CACNA1C: variants seen among roughly 807,000 people sequenced by gnomAD.
The protein encoded by CACNA1C is voltage-dependent L-type calcium channel subunit alpha-1C.
In CACNA1C, 30 loss-of-function variants were observed where a neutral mutation model predicts 229.0. The ratio of observed to expected loss-of-function variants is 0.13; its 90% confidence interval spans 0.10 to 0.18. The LOEUF (loss-of-function observed/expected upper bound fraction) is 0.18, where lower values mean the gene tolerates loss of function less well. Ranked by LOEUF, CACNA1C falls within the 10% of genes least tolerant of loss-of-function variation. CACNA1C has a pLI of 1.00. For synonymous variants in CACNA1C, 1,114 were observed against 1,132.5 expected, an observed-to-expected ratio of 0.98 and a Z score of 0.33; for missense variants, 1,658 against 2,845.0, an observed-to-expected ratio of 0.58 and a Z score of 9.49.
At chr12:2,624,415 G>C (rs1389060673) in intron 29 of CACNA1C, among the ~76,000 whole-genome samples, 1 of 152,192 alleles carries the variant, frequency 6.6e-6, no homozygotes, top group Non-Finnish European at 1.5e-5. Flanking sequence ...GATAGTGGGG[G>C]AGTCTTCAGT....
At position 2,067,485 on chromosome 12, in the gene CACNA1C, C is replaced by T. The variant is rs922392020; in HGVS notation, c.49+13874C>T. On this transcript the variant is annotated intron_variant, in intron 1 of 46. Coordinates refer to ENST00000399655, the MANE Select transcript of CACNA1C (RefSeq NM_000719.7). The surrounding 1 kb of genome is among the most constrained non-coding windows in gnomAD (Gnocchi z 5.3). ...GTGTGTGTGTGTGTGTGTGTGTGCG[C>T]GCGTGTGCGTGCCTGTATGTAAGGG... 9.6e-4 allele frequency among the ~76,000 whole-genome samples: 38 copies of T among 39,590 alleles called. No homozygotes were observed. Among genetic ancestry groups the T allele is most frequent in the African/African-American group, 1.5e-3 (23 of 15,668 alleles). 26.0% of individuals were successfully genotyped at this position (39,590 alleles called of 152,430 possible).
At position 2,512,488 on chromosome 12, in the gene CACNA1C, A is replaced by G. The variant is rs1237381209; in HGVS notation, c.1218-324A>G. On this transcript the variant is annotated intron_variant, in intron 8 of 46. Coordinates refer to ENST00000399655, the MANE Select transcript of CACNA1C (RefSeq NM_000719.7). This position sits in a 1 kb window ranked among gnomAD's most constrained non-coding sequence, Gnocchi z 4.3. ...TTGGAACGAGTTCCCAGGTCTTCGG[A>G]GAACAGTTATTAAAAAGCAAAGCCT... 6.6e-6 allele frequency among the ~76,000 whole-genome samples: 1 copy of G among 152,044 alleles called. No individual in the cohort carries two copies. Among genetic ancestry groups the G allele is most frequent in the Non-Finnish European group, 1.5e-5 (1 of 68,020 alleles).
At chr12:2,670,814 A>G (rs148105971) in intron 38 of CACNA1C, among the ~76,000 whole-genome samples, 107 of 151,614 alleles carry the variant, frequency 7.1e-4, no homozygotes, top group African/African-American at 2.5e-3. Context: ...AGCCGAGATC[A>G]CCCCACTCTA....
rs983186060 is a variant in CACNA1C at position 2,486,877 on chromosome 12, A to G, written c.916+615A>G. Among the ~76,000 whole-genome samples, 1 of 152,210 alleles carries G rather than the reference A, an allele frequency of 6.6e-6. No individual in the cohort carries two copies. Among genetic ancestry groups the G allele is most frequent in the Non-Finnish European group, 1.5e-5 (1 of 68,042 alleles). ...GCCAAACTTCCTCCCTTCAAGGAGAAGGCTTAGTTCTACCCCATGACTCCC... is the reference window on the plus strand; with the variant it reads ...GCCAAACTTCCTCCCTTCAAGGAGAGGGCTTAGTTCTACCCCATGACTCCC... On this transcript the variant is annotated intron_variant, in intron 6 of 46. Transcript: ENST00000399655. The surrounding 1 kb of genome is among the most constrained non-coding windows in gnomAD (Gnocchi z 4.9).
At chr12:2,675,092 G>A (rs1294088168) in intron 39 of CACNA1C, among the ~76,000 whole-genome samples, 2 of 152,042 alleles carry the variant, frequency 1.3e-5, no homozygotes, top group Admixed American at 6.6e-5. Flanking sequence ...CAAGAGCAGT[G>A]TTTCTTGACC....
intron 7 of CACNA1C, among the ~76,000 whole-genome samples, chr12:2,494,953 A>G (rs1298484793): frequency 6.6e-6 from 1 of 152,216 alleles, no homozygotes; most frequent in African/African-American, 2.4e-5. Context: ...AATAAGATCC[A>G]GTCCAGTCCA....
At chr12:2,355,188 C>T (rs555587201) in intron 3 of CACNA1C, among the ~76,000 whole-genome samples, 1 of 152,312 alleles carries the variant, frequency 6.6e-6, no homozygotes, top group East Asian at 1.9e-4. Context: ...GCTGATTAAG[C>T]TTTCACTTAA....
chr12:2,036,756 G>T (rs1457932494), intron 1 of CACNA1C, among the ~76,000 whole-genome samples: 1 of 151,720 alleles, frequency 6.6e-6, no homozygotes, highest in Non-Finnish European at 1.5e-5. Flanking sequence ...GAGCCACGGC[G>T]CCCAGCCTCC....
chr12:2,347,222 A>T (rs2097066628), intron 3 of CACNA1C, among the ~76,000 whole-genome samples: 1 of 151,908 alleles, frequency 6.6e-6, no homozygotes, highest in Non-Finnish European at 1.5e-5. Context: ...ACCCTTTCTC[A>T]CCTCCCCACG....
chr12:2,535,724 A>C (rs991247997), intron 9 of CACNA1C, among the ~76,000 whole-genome samples: 2 of 149,866 alleles, frequency 1.3e-5, no homozygotes, highest in African/African-American at 2.5e-5. Flanking sequence ...AAAAAAAAAA[A>C]AAAAAAAAAC....
In CACNA1C at chr12:2,486,561, G is replaced by A. The variant is rs1365489315; in HGVS notation, c.916+299G>A. 6.6e-6 allele frequency among the ~76,000 whole-genome samples: 1 copy of A among 152,150 alleles called. No homozygotes were observed. The highest frequency in any genetic ancestry group is 2.1e-4 in the South Asian group (1 of 4,834). ...TAGAACCTATCTTTTGTCAATCTAC[G>A]ACTTTTCAAGCCAACCCTGAGTATT... On this transcript the variant is annotated intron_variant, in intron 6 of 46. Coordinates refer to ENST00000399655, the MANE Select transcript of CACNA1C (RefSeq NM_000719.7). The surrounding 1 kb of genome is among the most constrained non-coding windows in gnomAD (Gnocchi z 4.9).
At chr12:2,501,474 C>T (rs949488789) in intron 7 of CACNA1C, among the ~76,000 whole-genome samples, 8 of 152,148 alleles carry the variant, frequency 5.3e-5, no homozygotes, top group Admixed American at 5.2e-4. Context: ...AGTAGGCGCT[C>T]GGTAAATACT....
At chr12:2,106,887 A>AGTG (rs1565725193) in intron 1 of CACNA1C, among the ~76,000 whole-genome samples, 5 of 24,766 alleles carry the variant, frequency 2.0e-4, no homozygotes, top group Admixed American at 4.8e-4. Flanking sequence ...TCAGCTGGGC[A>AGTG]TCCTGAAGCC....
chr12:2,619,026 C>G (rs111501031), intron 29 of CACNA1C, among the ~76,000 whole-genome samples: 1 of 152,278 alleles, frequency 6.6e-6, no homozygotes, highest in South Asian at 2.1e-4. Context: ...TTAATTTTTA[C>G]AAAGCAAATT....
chr12:2,613,600 C>T (rs2078973251), intron 29 of CACNA1C: 1 of 152,186 alleles, frequency 6.6e-6, no homozygotes, highest in Non-Finnish European at 1.5e-5. Flanking sequence ...CGGTGGTTTC[C>T]TGCCTTCTCC....
At chr12:2,091,760 T>C (rs1297235041) in intron 1 of CACNA1C, among the ~76,000 whole-genome samples, 2 of 152,246 alleles carry the variant, frequency 1.3e-5, no homozygotes, top group South Asian at 2.1e-4. Flanking sequence ...GCCTCTGCTA[T>C]GTGGAAGGCA....
chr12:2,634,194 CTTT>C (rs10713529), intron 29 of CACNA1C, 100 bp from the exon 30 acceptor site: 1,832 of 182,906 alleles, frequency 0.01, no homozygotes, highest in Middle Eastern at 0.032. Context: ...TTTTCCATAC[CTTT>C]TTTTTTTTTT....
chr12:2,651,766 C>A lies in CACNA1C; in HGVS notation c.4072C>A (p.Gln1358Lys). The change falls in exon 32 of 47, where the codon CAG becomes AAG. Residue 1358 changes from glutamine to lysine, a missense_variant and splice_region_variant. Gln to Lys is a moderately conservative substitution (Grantham distance 53). Transcript: ENST00000399655. This position sits in a 1 kb window ranked among gnomAD's most constrained non-coding sequence, Gnocchi z 5.4. ...GCTGTGGACCTTCATCAAGTCCTTC[C>A]AGGTAGCCGCCCCTCATGTCCTGCG... ...TLLWTFIKSF[Q>K]ALPYVALLIV... 1 of 1,602,682 alleles carries A rather than the reference C, an allele frequency of 6.2e-7. No individual in the cohort carries two copies. Among genetic ancestry groups the A allele is most frequent in the Non-Finnish European group, 8.5e-7 (1 of 1,173,214 alleles).
At position 2,665,458 on chromosome 12, in the gene CACNA1C, TG is replaced by T; in HGVS notation, c.4399-121del. Reference sequence around the variant, plus strand: ...GACCCAGGTTCTCAGGCTGGTAGGATGGATGACTGGTCTTTAGAAATGTTGG... The same window carrying T: ...GACCCAGGTTCTCAGGCTGGTAGGATGATGACTGGTCTTTAGAAATGTTGG... On this transcript the variant is annotated intron_variant, in intron 35 of 46. Coordinates refer to ENST00000399655, the MANE Select transcript of CACNA1C (RefSeq NM_000719.7). This position sits in a 1 kb window ranked among gnomAD's most constrained non-coding sequence, Gnocchi z 5.9. 2 of 1,026,294 alleles carry T rather than the reference TG, an allele frequency of 1.9e-6. No homozygotes were observed. The highest frequency in any genetic ancestry group is 3.0e-6 in the Non-Finnish European group (2 of 670,396). The allele number at this position is 1,026,294 out of a possible 1,614,324, so 63.6% of individuals were successfully genotyped here. A position where few individuals can be genotyped will look rare whatever the true frequency, so the allele number is the denominator to read the frequency against.
Sources: allele counts gnomAD v4.1 joint callset (sites outside exome capture counted in the v4.1 genomes callset), GRCh38; gene constraint gnomAD v4.1.1; non-coding constraint Gnocchi (gnomAD v3.1); transcripts MANE v1.5; gene names NCBI Gene and HGNC (gene_info 2026-07-23, HGNC 2026-07-21).